PID1: variants seen among roughly 807,000 people sequenced by gnomAD.
PID1 encodes PTB-containing, cubilin and LRP1-interacting protein.
Under a neutral mutation model 19.1 loss-of-function variants are expected in PID1, and 10 were observed. That is an observed-to-expected ratio of 0.52 (90% confidence interval 0.32 to 0.89). The LOEUF (loss-of-function observed/expected upper bound fraction) is 0.89. Ranked by LOEUF, PID1 falls within the 40% of genes least tolerant of loss-of-function variation. PID1 has a pLI of 0.03. For synonymous variants in PID1, 130 were observed against 116.0 expected (o/e 1.12, Z -0.78); for missense variants, 248 against 285.3 (o/e 0.87, Z 0.94).
rs533226427 is a variant in PID1 at position 229,085,334 on chromosome 2, A to G, written c.178-59226T>C. The stretch of plus-strand genomic sequence containing the variant: ...TGGTCTTTCAAGAAGTCCATGAAAG[A>G]TCTCATCAATTGATTCTAGAGTCTT... On this transcript the variant is annotated intron_variant, in intron 2 of 2. Coordinates refer to ENST00000392055, the MANE Select transcript of PID1 (RefSeq NM_001100818.2). 9.2e-5 allele frequency among the ~76,000 whole-genome samples: 14 copies of G among 152,204 alleles called. No homozygotes were observed. The East Asian group carries it at 2.7e-3, about 29-fold the overall frequency.
At chr2:229,153,833 ACATACTTTATAGGCTTTAT>A (rs1378065107) in intron 2 of PID1, among the ~76,000 whole-genome samples, 5 of 152,244 alleles carry the variant, frequency 3.3e-5, no homozygotes, top group African/African-American at 1.2e-4. Flanking sequence ...CCCGTTTTAA[ACATACTTTATAGGCTTTAT>A]CACACTTAAT....
At chr2:229,080,389 C>T (rs977181522) in intron 2 of PID1, among the ~76,000 whole-genome samples, 2 of 152,072 alleles carry the variant, frequency 1.3e-5, no homozygotes, top group African/African-American at 4.8e-5. Context: ...TGGTTGTGCA[C>T]ATCCTGCATT....
chr2:229,041,299 C>T (rs777425691), intron 2 of PID1, among the ~76,000 whole-genome samples: 19 of 152,084 alleles, frequency 1.2e-4, no homozygotes, highest in Admixed American at 2.6e-4. Context: ...CATGTTCAAA[C>T]GACAGAGGCA....
intron 1 of PID1, among the ~76,000 whole-genome samples, chr2:229,184,560 GTATA>G (rs1191097974): frequency 1.5e-4 from 1 of 6,714 alleles, no homozygotes; most frequent in South Asian, 2.5e-3. Context: ...TATATATCCC[GTATA>G]TATATATATC....
At chr2:229,237,229 A>G (rs1689730750) in intron 1 of PID1, among the ~76,000 whole-genome samples, 1 of 152,194 alleles carries the variant, frequency 6.6e-6, no homozygotes, top group Non-Finnish European at 1.5e-5. Context: ...TTCTGTGAAT[A>G]TGTTCAAGGA....
At chr2:229,150,601 G>A (rs1690231511) in intron 2 of PID1, among the ~76,000 whole-genome samples, 1 of 152,160 alleles carries the variant, frequency 6.6e-6, no homozygotes, top group South Asian at 2.1e-4. Context: ...CTCATGCTCA[G>A]AAATTAGCAC....
At chr2:229,194,659 T>A (rs1691332657) in intron 1 of PID1, among the ~76,000 whole-genome samples, 1 of 151,980 alleles carries the variant, frequency 6.6e-6, no homozygotes, top group Non-Finnish European at 1.5e-5. Flanking sequence ...TCCCTATTTT[T>A]AAAAATTTCA....
chr2:229,140,099 C>T (rs1689980179), intron 2 of PID1, among the ~76,000 whole-genome samples: 1 of 152,126 alleles, frequency 6.6e-6, no homozygotes, highest in Admixed American at 6.6e-5. Context: ...CCAAAGTATG[C>T]TATGTCCACC....
At chr2:229,208,665 A>G (rs1016802377) in intron 1 of PID1, among the ~76,000 whole-genome samples, 2 of 151,878 alleles carry the variant, frequency 1.3e-5, no homozygotes, top group African/African-American at 4.8e-5. Flanking sequence ...AGCATTTGTA[A>G]TTCTATAAAC....
chr2:229,075,959 T>A (rs1266036974), intron 2 of PID1, among the ~76,000 whole-genome samples: 1 of 152,144 alleles, frequency 6.6e-6, no homozygotes, highest in East Asian at 1.9e-4. Flanking sequence ...CACCACTTTG[T>A]CTCTTACTTT....
At chr2:229,223,300 C>T (rs1243238894) in intron 1 of PID1, among the ~76,000 whole-genome samples, 1 of 152,144 alleles carries the variant, frequency 6.6e-6, no homozygotes, top group Non-Finnish European at 1.5e-5. Context: ...TTTTAATCTG[C>T]ATTTCTTTTA....
At chr2:229,270,043 C>A (rs1220914915) in intron 1 of PID1, among the ~76,000 whole-genome samples, 1 of 152,192 alleles carries the variant, frequency 6.6e-6, no homozygotes, top group African/African-American at 2.4e-5. Context: ...AAGCCTCCAA[C>A]CTAGCCAGGG....
intron 1 of PID1, chr2:229,262,790 C>CAGCAATCCTT: frequency 1.3e-6 from 2 of 1,551,490 alleles, no homozygotes; most frequent in East Asian, 4.9e-5. Flanking sequence ...AGGTGGTTGC[C>CAGCAATCCTT]AGCAATCCTT....
intron 1 of PID1, among the ~76,000 whole-genome samples, chr2:229,249,805 C>T (rs2106282881): frequency 6.6e-6 from 1 of 150,646 alleles, no homozygotes; most frequent in Middle Eastern, 3.6e-3. Flanking sequence ...GTATGATCCC[C>T]TGGGCAGGGC....
intron 2 of PID1, among the ~76,000 whole-genome samples, chr2:229,049,568 G>T (rs1693949231): frequency 6.6e-6 from 1 of 152,138 alleles, no homozygotes; most frequent in African/African-American, 2.4e-5. Context: ...TTACCAACTT[G>T]CATGTCACCT....
intron 2 of PID1, among the ~76,000 whole-genome samples, chr2:229,027,791 A>G (rs1239101595): frequency 6.6e-6 from 1 of 152,208 alleles, no homozygotes; most frequent in Non-Finnish European, 1.5e-5. Context: ...AGCCTAAGAC[A>G]GCCCTGGAGC....
chr2:229,121,880 T>C (rs564770736), intron 2 of PID1, among the ~76,000 whole-genome samples: 2 of 152,052 alleles, frequency 1.3e-5, no homozygotes, highest in South Asian at 2.1e-4. Flanking sequence ...AATAATACAA[T>C]AGAAAACAGA....
intron 1 of PID1, among the ~76,000 whole-genome samples, chr2:229,170,141 C>T (rs527319670): frequency 2.0e-5 from 3 of 152,304 alleles, no homozygotes; most frequent in Admixed American, 6.5e-5. Flanking sequence ...GCATGTACTT[C>T]CTGAGCTTTG....
chr2:229,104,116 G>A (rs1314762931), intron 2 of PID1, among the ~76,000 whole-genome samples: 2 of 152,130 alleles, frequency 1.3e-5, no homozygotes, highest in Non-Finnish European at 2.9e-5. Context: ...TCTAGAGGCA[G>A]CTATCTAATT....
Sources: gnomAD v4.1 joint callset for allele counts (sites outside exome capture counted in the v4.1 genomes callset) on GRCh38, gnomAD v4.1.1 for gene constraint, MANE v1.5 for transcripts, NCBI Gene and HGNC (gene_info 2026-07-23, HGNC 2026-07-21) for gene names.